The following GPC5 variants were observed in gnomAD, a reference collection of about 807,000 sequenced individuals.
The protein encoded by GPC5 is glypican 5.
Under a neutral mutation model 53.9 loss-of-function variants are expected in GPC5, and 47 were observed. The ratio of observed to expected loss-of-function variants is 0.87; its 90% confidence interval spans 0.69 to 1.11. GPC5 has a LOEUF of 1.11. GPC5 is among the 50% of genes most tolerant of loss of function. The pLI is 0.00. For synonymous variants in GPC5, 286 were observed against 263.3 expected, an observed-to-expected ratio of 1.09 and a Z score of -0.84; for missense variants, 748 against 713.1, an observed-to-expected ratio of 1.05 and a Z score of -0.56.
intron 7 of GPC5, among the ~76,000 whole-genome samples, chr13:92,324,618 T>C (rs1401247561): frequency 2.7e-5 from 4 of 149,920 alleles, no homozygotes; most frequent in Admixed American, 6.7e-5. Flanking sequence ...TTCAATGGAA[T>C]AGCTGTACTA....
chr13:92,328,606 T>A (rs902404172), intron 7 of GPC5, among the ~76,000 whole-genome samples: 3 of 152,168 alleles, frequency 2.0e-5, no homozygotes, highest in African/African-American at 7.2e-5. Context: ...CCAGAGATGG[T>A]GCTCCTTAAA....
At chr13:92,329,893 A>C (rs2139234214) in intron 7 of GPC5, among the ~76,000 whole-genome samples, 1 of 152,290 alleles carries the variant, frequency 6.6e-6, no homozygotes, top group Non-Finnish European at 1.5e-5. Flanking sequence ...CAACTAGAAA[A>C]GCAAATTGTG....
intron 7 of GPC5, among the ~76,000 whole-genome samples, chr13:92,833,949 T>TAAATAGAACTC (rs1187202506): frequency 3.3e-5 from 5 of 152,188 alleles, no homozygotes; most frequent in African/African-American, 1.2e-4. Context: ...CATCCAAAGA[T>TAAATAGAACTC]AAATAGAACT....
At chr13:92,607,013 A>T (rs891578300) in intron 7 of GPC5, among the ~76,000 whole-genome samples, 1 of 152,150 alleles carries the variant, frequency 6.6e-6, no homozygotes, top group Non-Finnish European at 1.5e-5. Flanking sequence ...TCTTAAGGGA[A>T]AATATATTTT....
At chr13:92,772,443 C>A (rs1875648528) in intron 7 of GPC5, among the ~76,000 whole-genome samples, 1 of 152,200 alleles carries the variant, frequency 6.6e-6, no homozygotes, top group African/African-American at 2.4e-5. Flanking sequence ...ACTTGCTGCT[C>A]TGTACATGTA....
At chr13:91,685,765 A>C (rs574764729) in intron 2 of GPC5, among the ~76,000 whole-genome samples, 2 of 152,166 alleles carry the variant, frequency 1.3e-5, no homozygotes, top group Non-Finnish European at 2.9e-5. Flanking sequence ...ATTTGAATAC[A>C]CTAAGAGGGA....
chr13:92,790,357 A>G (rs1388078815), intron 7 of GPC5, among the ~76,000 whole-genome samples: 1 of 152,182 alleles, frequency 6.6e-6, no homozygotes, highest in Non-Finnish European at 1.5e-5. Context: ...AAAAATGTGC[A>G]ATCAAGTGCA....
chr13:91,967,079 G>A (rs1207837619), intron 6 of GPC5, among the ~76,000 whole-genome samples: 2 of 152,154 alleles, frequency 1.3e-5, no homozygotes, highest in Non-Finnish European at 2.9e-5. Context: ...ACAGTTCTAC[G>A]TGGCTGGGGA....
At chr13:91,506,280 T>C (rs954684054) in intron 2 of GPC5, among the ~76,000 whole-genome samples, 4 of 152,116 alleles carry the variant, frequency 2.6e-5, no homozygotes, top group African/African-American at 7.2e-5. Context: ...ATAAAACATA[T>C]ATTTAAGCAT....
chr13:91,646,695 C>T (rs2034565496), intron 2 of GPC5, among the ~76,000 whole-genome samples: 1 of 152,046 alleles, frequency 6.6e-6, no homozygotes, highest in South Asian at 2.1e-4. Flanking sequence ...GTTGATTCTA[C>T]CTTAAATATA....
At chr13:92,829,044 G>A (rs1175302848) in intron 7 of GPC5, among the ~76,000 whole-genome samples, 1 of 152,104 alleles carries the variant, frequency 6.6e-6, no homozygotes, top group Non-Finnish European at 1.5e-5. Context: ...ACCCTCCCGA[G>A]ACGTTTACTA....
At chr13:91,837,449 C>G (rs2038733914) in intron 5 of GPC5, among the ~76,000 whole-genome samples, 1 of 152,062 alleles carries the variant, frequency 6.6e-6, no homozygotes, top group Non-Finnish European at 1.5e-5. Context: ...AAGTTACAGT[C>G]TGGGACTGCT....
intron 7 of GPC5, among the ~76,000 whole-genome samples, chr13:92,415,158 C>G (rs1325408638): frequency 6.6e-6 from 1 of 152,130 alleles, no homozygotes; most frequent in African/African-American, 2.4e-5. Flanking sequence ...AGGAGTGAAA[C>G]TATGCTCTTT....
chr13:92,759,297 A>T (rs563832343), intron 7 of GPC5, among the ~76,000 whole-genome samples: 125 of 151,910 alleles, frequency 8.2e-4, no homozygotes, highest in African/African-American at 2.9e-3. Flanking sequence ...TGGGATTTTG[A>T]TAAGCATGGC....
At chr13:91,480,044 A>G (rs937701493) in intron 2 of GPC5, among the ~76,000 whole-genome samples, 2 of 152,226 alleles carry the variant, frequency 1.3e-5, no homozygotes, top group Non-Finnish European at 2.9e-5. Context: ...ACATTATGCT[A>G]TGAGACTAGA....
chr13:92,462,904 T>C (rs9301811), intron 7 of GPC5, among the ~76,000 whole-genome samples: 59,289 of 151,748 alleles, frequency 0.39, 12,926 homozygotes, highest in African/African-American at 0.57. Context: ...TTAGTAGAGA[T>C]GGGGTTTCTC....
chr13:91,784,708 G>C (rs372297889), intron 5 of GPC5, among the ~76,000 whole-genome samples: 6 of 127,434 alleles, frequency 4.7e-5, no homozygotes, highest in African/African-American at 2.0e-4. Context: ...TGGGCAACAA[G>C]AGCGAAACTC....
intron 7 of GPC5, among the ~76,000 whole-genome samples, chr13:92,427,405 C>G (rs1225623202): frequency 1.3e-5 from 2 of 150,632 alleles, no homozygotes; most frequent in Non-Finnish European, 3.0e-5. Context: ...ACAAATTCCT[C>G]AGGAGGAGCA....
At chr13:91,948,751 C>A (rs111721033) in intron 6 of GPC5, among the ~76,000 whole-genome samples, 3,228 of 152,220 alleles carry the variant, frequency 0.021, 101 homozygotes, top group African/African-American at 0.074. Context: ...CATTTTGTAA[C>A]AAACTGGGTT....
Sources: gnomAD v4.1 joint callset for allele counts (sites outside exome capture counted in the v4.1 genomes callset) on GRCh38, gnomAD v4.1.1 for gene constraint, MANE v1.5 for transcripts, NCBI Gene and HGNC (gene_info 2026-07-23, HGNC 2026-07-21) for gene names.